Variants in LBR observed in about 807,000 individuals in gnomAD.
LBR encodes the protein lamin B receptor, also known as delta(14)-sterol reductase LBR.
A neutral mutation model predicts 74.3 loss-of-function variants in LBR; 28 were observed. The observed-to-expected ratio is 0.38, with a 90% CI of 0.28 to 0.52. The LOEUF is 0.52. Among genes scored for constraint, LBR ranks in the 20% least tolerant of loss-of-function variants. The pLI is 0.89. For synonymous variants in LBR, 228 were observed against 269.3 expected (o/e 0.85, Z 1.50); for missense variants, 717 against 760.3 (o/e 0.94, Z 0.67).
chr1:225,418,212 A>C (rs1013028506), intron 5 of LBR, 32 bp from the exon 6 acceptor site: 1 of 1,583,996 alleles, frequency 6.3e-7, no homozygotes, highest in South Asian at 1.1e-5. Context: ...TCGAGGCTCA[A>C]ATTTCAATCT....
intron 3 of LBR, among the ~76,000 whole-genome samples, chr1:225,420,301 C>T (rs897530104): frequency 1.7e-4 from 21 of 121,512 alleles, no homozygotes; most frequent in African/African-American, 5.4e-4. Flanking sequence ...AAGAATGAAA[C>T]TCCGCCTCAA....
At chr1:225,420,307 C>CT (rs2096125474) in intron 3 of LBR, among the ~76,000 whole-genome samples, 1 of 75,018 alleles carries the variant, frequency 1.3e-5, no homozygotes, top group Non-Finnish European at 3.6e-5. Flanking sequence ...GAAACTCCGC[C>CT]TCAAAAAAAA....
intron 7 of LBR, among the ~76,000 whole-genome samples, chr1:225,414,914 C>G (rs2096114214): frequency 6.6e-6 from 1 of 152,184 alleles, no homozygotes; most frequent in Admixed American, 6.5e-5. Context: ...GACGAATATT[C>G]AAGGGACAAC....
At chr1:225,419,138 G>C (rs889893542) in intron 5 of LBR, 125 bp downstream of exon 5, 1 of 892,600 alleles carries the variant, frequency 1.1e-6, no homozygotes. Context: ...TCTTCCACAG[G>C]TTCCCACCAG....
At position 225,412,646 on chromosome 1, in the gene LBR, CT is replaced by C. The variant is rs199778388; in HGVS notation, c.893-2del. 1.4e-5 allele frequency: 22 copies of C among 1,536,008 alleles called. No homozygotes were observed. The highest frequency in any genetic ancestry group is 1.7e-4 in the Middle Eastern group (1 of 5,760). ...GATGTCAGGATAAAAGCATAGAATC[CT>C]TTAAAAAAAAAAAAAAAAGGAAGTG... On this transcript the variant is annotated splice_acceptor_variant, in intron 7 of 13. Coordinates refer to ENST00000272163, the MANE Select transcript of LBR (RefSeq NM_002296.4). LOFTEE classifies it high-confidence loss of function.
At chr1:225,421,409 C>T (rs953774765) in intron 3 of LBR, among the ~76,000 whole-genome samples, 1 of 152,210 alleles carries the variant, frequency 6.6e-6, no homozygotes, top group African/African-American at 2.4e-5. Context: ...AGGAGAATGG[C>T]GTGAACCCAG....
In LBR at chr1:225,419,388, C is replaced by A. The variant is rs923198022; in HGVS notation, c.515G>T (p.Arg172Ile). 4 of 1,613,574 alleles carry A rather than the reference C, an allele frequency of 2.5e-6. No homozygotes were observed. The highest frequency in any genetic ancestry group is 3.4e-6 in the Non-Finnish European group (4 of 1,179,580). The change falls in exon 5 of 14, where the codon AGA becomes ATA. Residue 172 changes from arginine (R) to isoleucine (I), a missense_variant. By Grantham distance (97) the Arg-to-Ile change is moderately conservative (BLOSUM62 -3). Coordinates refer to ENST00000272163, the MANE Select transcript of LBR (RefSeq NM_002296.4). ...IATQYSLRPR[R>I]EEVKLKEIDS... ...TATTTCTTTTAATTTGACTTCTTCT[C>A]TTCTTGGACGAAGGCTATACTGTGT...
intron 13 of LBR, among the ~76,000 whole-genome samples, chr1:225,403,742 G>A (rs368140999): frequency 2.6e-5 from 4 of 151,988 alleles, no homozygotes; most frequent in Admixed American, 1.3e-4. Flanking sequence ...TTCATTTCTC[G>A]CCCTTCTTCC....
chr1:225,416,813 G>A (rs1371405368), intron 6 of LBR, among the ~76,000 whole-genome samples: 1 of 152,026 alleles, frequency 6.6e-6, no homozygotes, highest in East Asian at 1.9e-4. Context: ...TGGCACTTAC[G>A]TTGTATTAGG....
At chr1:225,428,304 G>A (rs1289797964), upstream of LBR, among the ~76,000 whole-genome samples, 1 of 152,106 alleles carries the variant, frequency 6.6e-6, no homozygotes, top group African/African-American at 2.4e-5. Context: ...GGCCCGGAGC[G>A]CGACGTTTGC....
chr1:225,406,973 C>A, intron 10 of LBR, 141 bp from the exon 11 acceptor site: 1 of 752,264 alleles, frequency 1.3e-6, no homozygotes, highest in Non-Finnish European at 2.3e-6. Context: ...GGAGAGAGAT[C>A]TGGTTCCCCT....
intron 8 of LBR, among the ~76,000 whole-genome samples, chr1:225,412,063 G>A (rs560454948): frequency 3.3e-5 from 5 of 152,330 alleles, no homozygotes; most frequent in African/African-American, 4.8e-5. Flanking sequence ...ACCCGCCTTG[G>A]CCTCCCGAAG....
chr1:225,417,305 A>T (rs757647902), intron 6 of LBR, among the ~76,000 whole-genome samples: 1 of 152,212 alleles, frequency 6.6e-6, no homozygotes, highest in Non-Finnish European at 1.5e-5. Context: ...AGCCCTAAGA[A>T]TAAGATCTTT....
chr1:225,406,844 C>T lies in LBR; in HGVS notation c.1315-12G>A, dbSNP rs1426716421. 6.2e-7 allele frequency: 1 copy of T among 1,613,284 alleles called. No individual in the cohort carries two copies. The highest frequency in any genetic ancestry group is 8.5e-7 in the Non-Finnish European group (1 of 1,179,360). On this transcript the variant is annotated splice_polypyrimidine_tract_variant and intron_variant, in intron 10 of 13. Transcript: ENST00000272163. ...GTCAACAACGCTTCCTATAAGGATA[C>T]AGACGGGGAAAGGGAGAAGGAGCTT...
At chr1:225,420,778 CA>C (rs60369092) in intron 3 of LBR, among the ~76,000 whole-genome samples, 1,442 of 114,976 alleles carry the variant, frequency 0.013, 11 homozygotes, top group East Asian at 0.052. Flanking sequence ...CCACATTCTC[CA>C]AAAAAAAAAA....
At chr1:225,420,358 C>T (rs78877111) in intron 3 of LBR, among the ~76,000 whole-genome samples, 6,904 of 150,472 alleles carry the variant, frequency 0.046, 178 homozygotes, top group South Asian at 0.07. Flanking sequence ...GACTGAATGT[C>T]ATAATTTCAT....
At chr1:225,406,622 T>C (rs1469052584) in intron 11 of LBR, 42 bp downstream of exon 11, 1 of 1,544,776 alleles carries the variant, frequency 6.5e-7, no homozygotes, top group African/African-American at 1.4e-5. Flanking sequence ...CCTCAGTACA[T>C]AATATTTAAT....
At chr1:225,412,376 CA>C in intron 8 of LBR, 77 bp downstream of exon 8, 1 of 1,309,974 alleles carries the variant, frequency 7.6e-7, no homozygotes. Flanking sequence ...AGAAAAAAAG[CA>C]ATCTATTCAA....
At position 225,422,129 on chromosome 1, in the gene LBR, T is replaced by C; in HGVS notation, c.314A>G (p.Asp105Gly). The C allele has an allele frequency of 6.2e-7, 1 of 1,614,172 alleles. No individual in the cohort carries two copies. The highest frequency in any genetic ancestry group is 1.7e-5 in the Admixed American group (1 of 60,030). The change falls in exon 3 of 14, where the codon GAC becomes GGC. Residue 105 changes from aspartate to glycine, a missense_variant. Coordinates refer to ENST00000272163, the MANE Select transcript of LBR (RefSeq NM_002296.4). ...CACTTCCCTCCTTGCTTCCTTAATG[T>C]CGGCCTGGTGGGAAGCAGAAGCAGA... ...RRSASASHQA[D>G]IKEARREVEV...
Sources: gnomAD v4.1 joint callset for allele counts (sites outside exome capture counted in the v4.1 genomes callset) on GRCh38, gnomAD v4.1.1 for gene constraint, MANE v1.5 for transcripts, NCBI Gene and HGNC (gene_info 2026-07-23, HGNC 2026-07-21) for gene names.